The following ZBTB4 variants were observed in gnomAD, a reference collection of about 807,000 sequenced individuals.
ZBTB4 encodes the protein zinc finger and BTB domain-containing protein 4.
Under a neutral mutation model 59.8 loss-of-function variants are expected in ZBTB4, and 14 were observed. The ratio of observed to expected loss-of-function variants is 0.23; its 90% CI spans 0.15 to 0.37. The LOEUF (loss-of-function observed/expected upper bound fraction) is 0.37, where lower values mean the gene tolerates loss of function less well. Ranked by LOEUF, ZBTB4 falls within the 10% of genes least tolerant of loss-of-function variation. The probability of loss-of-function intolerance (pLI) is 1.00; values close to 1 mark genes in which losing one functional copy is unlikely to be tolerated. For missense variants in ZBTB4, 1,198 were observed against 1,380.8 expected (o/e 0.87, Z 2.10); for synonymous variants, 587 against 575.2 (o/e 1.02, Z -0.29).
chr17:7,463,072 T>A lies in ZBTB4; in HGVS notation c.1910A>T (p.Glu637Val), dbSNP rs767628650. The change falls in exon 4 of 4, where the codon GAG becomes GTG. Residue 637 changes from glutamate (E) to valine (V), a missense_variant. Transcript: ENST00000380599. The part of the protein sequence containing the change: ...ELSGEEMEES[E>V]EDEEEEDEEE... ...TTCGTCCTCCTCCTCTTCGTCCTCC[T>A]CACTCTCCTCCATCTCCTCTCCGCT... The A allele has an allele frequency of 2.5e-6, 4 of 1,611,250 alleles. No homozygotes were observed. The African/African-American group carries it at 5.3e-5, about 22-fold the overall frequency.
At position 7,462,853 on chromosome 17, in the gene ZBTB4, G is replaced by A; in HGVS notation, c.2129C>T (p.Thr710Ile). The change falls in exon 4 of 4, where the codon ACC (threonine) becomes ATC (isoleucine). Residue 710 changes from threonine to isoleucine, a missense_variant. By Grantham distance (89) the Thr-to-Ile change is moderately conservative. Around this residue, in one of 9 missense-constraint regions of ZBTB4, gnomAD observed 550 missense variants for 541.8 expected, o/e 1.02. Coordinates refer to ENST00000380599, the MANE Select transcript of ZBTB4 (RefSeq NM_001128833.2). This position sits in a 1 kb window ranked among gnomAD's most constrained non-coding sequence, Gnocchi z 7.5. ...TCCCGCTGGGCTCTCGGCCGCTGGGGTTTCCTCCCAGCTCCTCCGTTCCAG... is the reference window on the plus strand; with the variant it reads ...TCCCGCTGGGCTCTCGGCCGCTGGGATTTCCTCCCAGCTCCTCCGTTCCAG... ...QKLERRSWEETPAAESPAGRA... is the reference protein window; with the variant it reads ...QKLERRSWEEIPAAESPAGRA... 6.2e-7 allele frequency: 1 copy of A among 1,604,764 alleles called. No homozygotes were observed. The highest frequency in any genetic ancestry group is 8.5e-7 in the Non-Finnish European group (1 of 1,179,794).
chr17:7,464,967 T>G lies in ZBTB4; in HGVS notation c.1091+744A>C, dbSNP rs930888920. On this transcript the variant is annotated intron_variant, in intron 3 of 3. Coordinates refer to ENST00000380599, the MANE Select transcript of ZBTB4 (RefSeq NM_001128833.2). ...GTCAGGAAATCGAGACCATACTGGC[T>G]AACACGGTGAAACCCCGTCTCTACT... is the stretch of plus-strand genomic sequence containing the variant. Among the ~76,000 whole-genome samples, 10 of 136,262 alleles carry G rather than the reference T, an allele frequency of 7.3e-5. No homozygotes were observed. The South Asian group carries it at 1.4e-3, about 20-fold the overall frequency. The allele number at this position is 136,262 out of a possible 152,430, so 89.4% of individuals were successfully genotyped here.
At position 7,459,992 on chromosome 17, in the gene ZBTB4, C is replaced by T. The variant is rs1217113885; in HGVS notation, c.*1948G>A. ...TTCCTCAGTCTCTCTTGTGGTTCCG[C>T]TGTATAGATAGATAGATATATAATT... On this transcript the variant is annotated 3_prime_UTR_variant, in exon 4 of 4. Coordinates refer to ENST00000380599, the MANE Select transcript of ZBTB4 (RefSeq NM_001128833.2). The T allele has an allele frequency of 1.3e-5, 2 of 152,504 alleles. No individual in the cohort carries two copies. The highest frequency in any genetic ancestry group is 2.9e-5 in the Non-Finnish European group (2 of 68,032). 9.4% of individuals were successfully genotyped at this position (152,504 alleles called of 1,614,324 possible).
intron 1 of ZBTB4, among the ~76,000 whole-genome samples, chr17:7,472,678 G>A (rs114276186): frequency 0.016 from 1,850 of 112,426 alleles, 45 homozygotes; most frequent in African/African-American, 0.059. Context: ...GTCTCACTCC[G>A]TTGCCCAGGT....
At chr17:7,483,899 T>G (rs573428513), upstream of ZBTB4, 2 of 152,320 alleles carry the variant, frequency 1.3e-5, no homozygotes, top group African/African-American at 2.4e-5. Context: ...GACAAGCCAC[T>G]GGTCCTGCCA....
At position 7,466,816 on chromosome 17, in the gene ZBTB4, C is replaced by G; in HGVS notation, c.-9-6G>C. 6.5e-7 allele frequency: 1 copy of G among 1,535,636 alleles called. No individual in the cohort carries two copies. The highest frequency in any genetic ancestry group is 1.2e-5 in the South Asian group (1 of 82,410). ...GGGGGGGGCATGGTGCCAGCCTAGA[C>G]AGTGGGAGAAGAGGCCGGGTAGAGT... On this transcript the variant is annotated splice_polypyrimidine_tract_variant and splice_region_variant and intron_variant, in intron 2 of 3. Transcript: ENST00000380599. The surrounding 1 kb of genome is among the most constrained non-coding windows in gnomAD (Gnocchi z 9.1).
rs1253164152 is a variant in ZBTB4 at position 7,479,457 on chromosome 17, T to C, written c.-82A>G. On this transcript the variant is annotated splice_region_variant and 5_prime_UTR_variant, in exon 1 of 4. Coordinates refer to ENST00000380599, the MANE Select transcript of ZBTB4 (RefSeq NM_001128833.2). ...TGCCCAGTTCGCCCCAGGGCCCACCTGACTGCGATGGCGCCGCGTCCGCCA... is the reference window on the plus strand; with the variant it reads ...TGCCCAGTTCGCCCCAGGGCCCACCCGACTGCGATGGCGCCGCGTCCGCCA... 6.5e-6 allele frequency: 1 copy of C among 154,522 alleles called. No homozygotes were observed. Among genetic ancestry groups the C allele is most frequent in the Non-Finnish European group, 1.4e-5 (1 of 69,688 alleles). The allele number at this position is 154,522 out of a possible 1,614,324, so 9.6% of individuals were successfully genotyped here.
intron 1 of ZBTB4, among the ~76,000 whole-genome samples, chr17:7,473,346 AC>A (rs1203597546): frequency 6.6e-6 from 1 of 151,638 alleles, no homozygotes; most frequent in Non-Finnish European, 1.5e-5. Flanking sequence ...CCATCTCCTG[AC>A]CTTGTGATCT....
upstream of ZBTB4, chr17:7,482,205 T>A (rs373258139): frequency 2.4e-5 from 38 of 1,614,010 alleles, no homozygotes; most frequent in African/African-American, 4.3e-4. Context: ...GAGCTGCTCA[T>A]CTGTCGATGC....
upstream of ZBTB4, among the ~76,000 whole-genome samples, chr17:7,481,681 T>C (rs1177015694): frequency 1.3e-5 from 2 of 152,186 alleles, no homozygotes; most frequent in Non-Finnish European, 2.9e-5. Context: ...TACAGATGCA[T>C]AGCATCTGAG....
Position 7,462,780 on chromosome 17 carries a change from G to A in ZBTB4, c.2202C>T (p.Thr734=), listed in dbSNP as rs2070044870. The change falls in exon 4 of 4, where the codon ACC becomes ACT. Residue 734 remains threonine (T), a synonymous_variant. Transcript: ENST00000380599. This position sits in a 1 kb window ranked among gnomAD's most constrained non-coding sequence, Gnocchi z 7.5. The part of the protein sequence containing the change: ...RRHRCGDCAQ[T]FTTLRKLRKH... ...TCCGCAGCTTTCTCAGGGTGGTGAA[G>A]GTCTGGGCACAGTCCCCGCATCGGT... 1 of 1,602,518 alleles carries A rather than the reference G, an allele frequency of 6.2e-7. No homozygotes were observed. The highest frequency in any genetic ancestry group is 8.5e-7 in the Non-Finnish European group (1 of 1,179,840).
chr17:7,482,347 G>A (rs761769444), upstream of ZBTB4: 10 of 1,614,004 alleles, frequency 6.2e-6, no homozygotes, highest in South Asian at 7.7e-5. Flanking sequence ...CCTACAGTGC[G>A]GTTCAGGTGG....
chr17:7,480,399 A>G (rs1019302006), upstream of ZBTB4, among the ~76,000 whole-genome samples: 1 of 152,196 alleles, frequency 6.6e-6, no homozygotes, highest in Non-Finnish European at 1.5e-5. Context: ...GAGATGGAGG[A>G]GCCAGGGTTC....
At position 7,466,694 on chromosome 17, in the gene ZBTB4, G is replaced by A. The variant is rs200997955; in HGVS notation, c.108C>T (p.Ala36=). ...GGTGAGCAGGGAACTTGGTGTCTCC[G>A]GCTATGAGGGTGACGTCACAGAAGA... ...RGLFCDVTLI[A]GDTKFPAHRS... The change falls in exon 3 of 4, where the codon GCC becomes GCT. Residue 36 remains alanine, a synonymous_variant. Coordinates refer to ENST00000380599, the MANE Select transcript of ZBTB4 (RefSeq NM_001128833.2). The surrounding 1 kb of genome is among the most constrained non-coding windows in gnomAD (Gnocchi z 9.1). The A allele has an allele frequency of 9.3e-6, 15 of 1,610,194 alleles. No individual in the cohort carries two copies. Among genetic ancestry groups the A allele is most frequent in the Admixed American group, 3.4e-5 (2 of 58,962 alleles).
chr17:7,466,795 G>A lies in ZBTB4; in HGVS notation c.7C>T (p.Pro3Ser). The change falls in exon 3 of 4, where the codon CCC (proline) becomes TCC (serine). Residue 3 changes from proline (P) to serine (S), a missense_variant. Pro to Ser is a moderately conservative substitution (Grantham distance 74). Around this residue, in one of 9 missense-constraint regions of ZBTB4, gnomAD observed 44 missense variants for 86.2 expected, o/e 0.51. Transcript: ENST00000380599. This position sits in a 1 kb window ranked among gnomAD's most constrained non-coding sequence, Gnocchi z 9.1. ...GACGGGTCCGTCACCTCTGCAGGGG[G>A]GGGCATGGTGCCAGCCTAGACAGTG... is the stretch of plus-strand genomic sequence containing the variant. MP[P>S]PAEVTDPSHA... 1 of 1,562,386 alleles carries A rather than the reference G, an allele frequency of 6.4e-7. No homozygotes were observed.
At chr17:7,465,646 C>T (rs1175377239) in intron 3 of ZBTB4, 65 bp downstream of exon 3, 1 of 1,527,638 alleles carries the variant, frequency 6.5e-7, no homozygotes, top group East Asian at 2.3e-5. Flanking sequence ...CCCACTGCCG[C>T]CCTTGTTCCT....
chr17:7,471,468 A>T (rs2070196166), intron 1 of ZBTB4, among the ~76,000 whole-genome samples: 1 of 152,274 alleles, frequency 6.6e-6, no homozygotes, highest in South Asian at 2.1e-4. Context: ...TTCAACACTC[A>T]AAATGGCCAG....
rs1157105992 is a variant in ZBTB4, at chr17:7,462,535, T to C, written c.2447A>G (p.Glu816Gly). The C allele has an allele frequency of 6.2e-7, 1 of 1,613,948 alleles. No individual in the cohort carries two copies. Among genetic ancestry groups the C allele is most frequent in the South Asian group, 1.1e-5 (1 of 91,088 alleles). ...SAGTRPGDVKEEAPQEMQVSS... is the reference protein window; with the variant it reads ...SAGTRPGDVKGEAPQEMQVSS... ...GACTTGCATCTCTTGGGGGGCTTCC[T>C]CCTTGACATCCCCGGGCCTGGTGCC... Residue 816 changes from glutamate (E) to glycine (G), a missense_variant, in exon 4 of 4, where the codon GAG becomes GGG. Physicochemically the swap from Glu to Gly is moderately conservative, Grantham distance 98. Transcript: ENST00000380599. The surrounding 1 kb of genome is among the most constrained non-coding windows in gnomAD (Gnocchi z 7.5).
Position 7,462,312 on chromosome 17 carries a change from C to T in ZBTB4, c.2670G>A (p.Arg890=), listed in dbSNP as rs754584373. 1 of 1,613,768 alleles carries T rather than the reference C, an allele frequency of 6.2e-7. No homozygotes were observed. The highest frequency in any genetic ancestry group is 8.5e-7 in the Non-Finnish European group (1 of 1,179,930). The part of the protein sequence containing the change: ...IGGGREPGGG[R]GKSGSEGPVG... ...CTGGCCCTTCACTCCCAGATTTTCC[C>T]CTGCCACCGCCAGGTTCCCGGCCGC... is the stretch of plus-strand genomic sequence containing the variant. Residue 890 remains arginine, a synonymous_variant, in exon 4 of 4, where the codon AGG becomes AGA. Coordinates refer to ENST00000380599, the MANE Select transcript of ZBTB4 (RefSeq NM_001128833.2). This position sits in a 1 kb window ranked among gnomAD's most constrained non-coding sequence, Gnocchi z 7.5.
Sources: allele counts gnomAD v4.1 joint callset (sites outside exome capture counted in the v4.1 genomes callset), GRCh38; gene constraint gnomAD v4.1.1; regional missense constraint gnomAD v4.1.1; non-coding constraint Gnocchi (gnomAD v3.1); transcripts MANE v1.5; gene names NCBI Gene and HGNC (gene_info 2026-07-23, HGNC 2026-07-21).